ADCK1: variants seen among roughly 807,000 people sequenced by gnomAD.
The protein encoded by ADCK1 is aarF domain-containing protein kinase 1.
In ADCK1, 41 loss-of-function variants were observed where a neutral mutation model predicts 52.3. The ratio of observed to expected loss-of-function variants is 0.78; its 90% CI spans 0.61 to 1.02. The LOEUF is 1.02. Ranked by LOEUF, ADCK1 falls within the 50% of genes least tolerant of loss-of-function variation. The pLI is 0.00. For missense variants in ADCK1, 658 were observed against 679.5 expected, an observed-to-expected ratio of 0.97 and a Z score of 0.35; for synonymous variants, 250 against 274.6, an observed-to-expected ratio of 0.91 and a Z score of 0.89.
chr14:77,844,581 A>C (rs1207424210), intron 3 of ADCK1, among the ~76,000 whole-genome samples: 1 of 152,072 alleles, frequency 6.6e-6, no homozygotes, highest in Non-Finnish European at 1.5e-5. Flanking sequence ...CCAAGAGCAG[A>C]CTCGGTCTGT....
intron 1 of ADCK1, among the ~76,000 whole-genome samples, chr14:77,800,760 C>T (rs1440600906): frequency 1.3e-5 from 2 of 152,236 alleles, no homozygotes; most frequent in Non-Finnish European, 2.9e-5. Context: ...AGATAAGACA[C>T]CTAGAACAGC....
At chr14:77,820,259 T>C (rs988156482) in intron 2 of ADCK1, among the ~76,000 whole-genome samples, 3 of 152,094 alleles carry the variant, frequency 2.0e-5, no homozygotes, top group Non-Finnish European at 4.4e-5. Flanking sequence ...TGCTGTGGCC[T>C]GGGAGTCAGG....
intron 6 of ADCK1, among the ~76,000 whole-genome samples, chr14:77,900,026 C>T (rs1411751199): frequency 3.4e-5 from 5 of 148,244 alleles, no homozygotes; most frequent in Non-Finnish European, 5.9e-5. Flanking sequence ...GCTGAGATCA[C>T]GCCACTGCAT....
chr14:77,812,847 C>A (rs1387143921), intron 1 of ADCK1, among the ~76,000 whole-genome samples: 1 of 151,986 alleles, frequency 6.6e-6, no homozygotes, highest in Non-Finnish European at 1.5e-5. Flanking sequence ...GCCTCGGCCT[C>A]CCAAAGTGCT....
chr14:77,858,328 C>T (rs773870172), intron 3 of ADCK1, among the ~76,000 whole-genome samples: 7 of 152,042 alleles, frequency 4.6e-5, no homozygotes, highest in Admixed American at 1.3e-4. Flanking sequence ...ACCTCCGCCT[C>T]CTGGGTTCAA....
intron 7 of ADCK1, among the ~76,000 whole-genome samples, chr14:77,921,455 T>C (rs1309632976): frequency 1.3e-5 from 2 of 151,490 alleles, no homozygotes; most frequent in African/African-American, 4.9e-5. Flanking sequence ...AATCTCAAGG[T>C]TGCTCTGTGA....
chr14:77,924,722 C>T (rs1407200619), intron 8 of ADCK1, 116 bp downstream of exon 8: 1 of 1,372,212 alleles, frequency 7.3e-7, no homozygotes, highest in East Asian at 2.4e-5. Context: ...AAGGACCCTT[C>T]CCTCTCCCTT....
Position 77,925,803 on chromosome 14 carries a change from T to C in ADCK1, c.1048T>C (p.Trp350Arg). The change falls in exon 9 of 11, where the codon TGG (tryptophan) becomes CGG (arginine). Residue 350 changes from tryptophan (W) to arginine (R), a missense_variant. Physicochemically the swap from Trp to Arg is moderately radical, Grantham distance 101. Coordinates refer to ENST00000238561, the MANE Select transcript of ADCK1 (RefSeq NM_020421.4). Reference protein sequence around the residue: ...EEFRLNYCHLWQSLIWTDMKR... With the variant: ...EEFRLNYCHLRQSLIWTDMKR... ...ATTCCGCCTGAATTACTGCCACCTC[T>C]GGCAGTCTCTGATCTGGACTGACAT... 6.2e-7 allele frequency: 1 copy of C among 1,614,216 alleles called. No individual in the cohort carries two copies. Among genetic ancestry groups the C allele is most frequent in the South Asian group, 1.1e-5 (1 of 91,090 alleles).
intron 9 of ADCK1, among the ~76,000 whole-genome samples, chr14:77,926,552 C>T (rs561722119): frequency 1.6e-4 from 25 of 152,330 alleles, no homozygotes; most frequent in Admixed American, 1.0e-3. Context: ...ATGATATCGG[C>T]TCACTGCAAC....
At chr14:77,857,844 G>GGGA (rs2082453927) in intron 3 of ADCK1, among the ~76,000 whole-genome samples, 1 of 152,168 alleles carries the variant, frequency 6.6e-6, no homozygotes, top group Non-Finnish European at 1.5e-5. Context: ...TGACTGAGAT[G>GGGA]GGAGGAGGCA....
Position 77,934,592 on chromosome 14 carries a change from C to T in ADCK1, c.*1201C>T, listed in dbSNP as rs1291271598. 6.6e-6 allele frequency: 1 copy of T among 152,298 alleles called. No homozygotes were observed. Among genetic ancestry groups the T allele is most frequent in the Non-Finnish European group, 1.5e-5 (1 of 68,152 alleles). The allele number at this position is 152,298 out of a possible 1,614,324, so 9.4% of individuals were successfully genotyped here. A position where few individuals can be genotyped will look rare whatever the true frequency, so the allele number is the denominator to read the frequency against. On this transcript the variant is annotated 3_prime_UTR_variant, in exon 11 of 11. Transcript: ENST00000238561. ...CCATTGCTTGCTGCCAGCACTGCCT[C>T]TCCCCCCAGCCTGGTTGTCTGCTTC...
intron 5 of ADCK1, among the ~76,000 whole-genome samples, chr14:77,889,074 G>A (rs1322028065): frequency 6.6e-6 from 1 of 152,208 alleles, no homozygotes; most frequent in Non-Finnish European, 1.5e-5. Context: ...CCCCTGCAAA[G>A]GCTCTCTTGC....
chr14:77,901,902 G>A (rs537205393), intron 6 of ADCK1, among the ~76,000 whole-genome samples: 1 of 152,132 alleles, frequency 6.6e-6, no homozygotes, highest in East Asian at 1.9e-4. Context: ...CTCTAGGATG[G>A]ATCACCCTTC....
chr14:77,800,306 C>CTT (rs1436020148), intron 1 of ADCK1, 136 bp downstream of exon 1: 3 of 152,540 alleles, frequency 2.0e-5, no homozygotes, highest in Non-Finnish European at 4.4e-5. Flanking sequence ...TGTGCAGCCG[C>CTT]CCTGGGCGCC....
At chr14:77,849,482 C>T (rs2140110451) in intron 3 of ADCK1, among the ~76,000 whole-genome samples, 1 of 152,174 alleles carries the variant, frequency 6.6e-6, no homozygotes, top group East Asian at 1.9e-4. Flanking sequence ...CGCTTTGTTG[C>T]TGAGGCTGGA....
chr14:77,821,678 C>T lies in ADCK1; in HGVS notation c.136-757C>T, dbSNP rs139864091. Among the ~76,000 whole-genome samples the T allele has an allele frequency of 6.4e-3, 974 of 151,930 alleles. 13 individuals are homozygous for T. The highest frequency in any genetic ancestry group is 0.022 in the African/African-American group (926 of 41,450). On this transcript the variant is annotated intron_variant, in intron 2 of 10. Transcript: ENST00000238561. ...GAAGGATCGCCTGAGGTCAGGAGTT[C>T]GAGACCAGCCTGGTCAACATGGCGA...
At chr14:77,876,745 G>A (rs1246991627) in intron 4 of ADCK1, among the ~76,000 whole-genome samples, 3 of 152,196 alleles carry the variant, frequency 2.0e-5, no homozygotes, top group African/African-American at 7.2e-5. Context: ...TTGCTGAACT[G>A]AGCCAGTAGA....
chr14:77,898,652 G>T (rs1182023904), intron 5 of ADCK1, among the ~76,000 whole-genome samples: 5 of 152,138 alleles, frequency 3.3e-5, no homozygotes, highest in East Asian at 3.9e-4. Context: ...CGACGGTTGG[G>T]GGGTGGGGGA....
At chr14:77,800,817 C>A (rs2081093519) in intron 1 of ADCK1, among the ~76,000 whole-genome samples, 1 of 152,246 alleles carries the variant, frequency 6.6e-6, no homozygotes. Flanking sequence ...ACAAGAAAGT[C>A]ATTCAACAAG....
Sources: allele counts gnomAD v4.1 joint callset (sites outside exome capture counted in the v4.1 genomes callset), GRCh38; gene constraint gnomAD v4.1.1; transcripts MANE v1.5; gene names NCBI Gene and HGNC (gene_info 2026-07-23, HGNC 2026-07-21).